The following PRKCH variants were observed in gnomAD, a reference collection of about 807,000 sequenced individuals.
PRKCH encodes the protein protein kinase C eta type.
PRKCH carries 28 observed loss-of-function variants against 82.5 expected under a neutral mutation model. The observed-to-expected ratio is 0.34, with a 90% CI of 0.25 to 0.47. PRKCH has a LOEUF of 0.47. Ranked by LOEUF, PRKCH falls within the 20% of genes least tolerant of loss-of-function variation. The pLI is 1.00. For synonymous variants in PRKCH, 322 were observed against 327.4 expected (o/e 0.98, Z 0.18); for missense variants, 705 against 881.8 (o/e 0.80, Z 2.54).
intron 10 of PRKCH, among the ~76,000 whole-genome samples, chr14:61,514,517 G>C (rs2042793774): frequency 6.6e-6 from 1 of 151,988 alleles, no homozygotes; most frequent in South Asian, 2.1e-4. Context: ...CAAGACAGGG[G>C]ACCTCTGCAG....
intron 10 of PRKCH, among the ~76,000 whole-genome samples, chr14:61,490,453 G>A (rs1403881388): frequency 6.6e-5 from 10 of 152,164 alleles, no homozygotes; most frequent in Admixed American, 2.6e-4. Context: ...TGAATATACC[G>A]ATCACCAACA....
At chr14:61,254,722 A>G (rs2044982081) in intron 1 of PRKCH, among the ~76,000 whole-genome samples, 1 of 152,236 alleles carries the variant, frequency 6.6e-6, no homozygotes, top group African/African-American at 2.4e-5. Context: ...CAAGCCTTTA[A>G]TTTTGGGCAA....
chr14:61,502,941 G>A (rs899901112), intron 10 of PRKCH, among the ~76,000 whole-genome samples: 1 of 150,914 alleles, frequency 6.6e-6, no homozygotes, highest in African/African-American at 2.4e-5. Context: ...TGGGGGATGT[G>A]TGGCTCTTGG....
At chr14:61,222,776 G>A (rs2044664956) in intron 1 of PRKCH, among the ~76,000 whole-genome samples, 1 of 152,206 alleles carries the variant, frequency 6.6e-6, no homozygotes, top group Non-Finnish European at 1.5e-5. Flanking sequence ...TGGACAAAAA[G>A]CTTTCAGTTT....
intron 9 of PRKCH, among the ~76,000 whole-genome samples, chr14:61,463,650 A>G (rs1455532205): frequency 6.6e-6 from 1 of 152,242 alleles, no homozygotes; most frequent in Non-Finnish European, 1.5e-5. Context: ...CTACAAAAAT[A>G]ATATAAAGAA....
intron 9 of PRKCH, among the ~76,000 whole-genome samples, chr14:61,466,603 T>C (rs752307282): frequency 1.3e-5 from 2 of 152,062 alleles, no homozygotes; most frequent in East Asian, 1.9e-4. Flanking sequence ...GAAGCAAAGG[T>C]TTCCATTTGG....
intron 9 of PRKCH, among the ~76,000 whole-genome samples, chr14:61,485,196 A>G (rs1035478715): frequency 6.6e-6 from 1 of 152,174 alleles, no homozygotes; most frequent in East Asian, 1.9e-4. Context: ...CTCCAGGTAC[A>G]TGACCTTTAA....
intron 1 of PRKCH, among the ~76,000 whole-genome samples, chr14:61,247,735 CAAAAAA>C (rs202153655): frequency 0.015 from 803 of 52,714 alleles, 4 homozygotes; most frequent in Admixed American, 0.031. Context: ...GACTCCATCT[CAAAAAA>C]AAAAAAAAAA....
intron 2 of PRKCH, among the ~76,000 whole-genome samples, chr14:61,418,882 T>C (rs891331899): frequency 6.6e-6 from 1 of 152,188 alleles, no homozygotes; most frequent in African/African-American, 2.4e-5. Context: ...AAAGAAGCAA[T>C]ATATTTAACT....
chr14:61,323,530 A>G (rs1236232296), intron 1 of PRKCH, among the ~76,000 whole-genome samples: 1 of 152,232 alleles, frequency 6.6e-6, no homozygotes, highest in African/African-American at 2.4e-5. Flanking sequence ...AAAATGTTTG[A>G]AATTTACAAG....
intron 1 of PRKCH, among the ~76,000 whole-genome samples, chr14:61,207,863 T>C (rs1381715473): frequency 6.6e-6 from 1 of 152,202 alleles, no homozygotes; most frequent in Non-Finnish European, 1.5e-5. Flanking sequence ...CATGCTCTTC[T>C]CACTCATGTT....
Position 61,549,870 on chromosome 14 carries a change from G to T in PRKCH, c.*39G>T. ...GAGAGAGAGGGCACGAGAACCCAAA[G>T]GGAATAGAGATTCTCCAGGAATTTC... On this transcript the variant is annotated 3_prime_UTR_variant, in exon 14 of 14. Transcript: ENST00000332981. 1 of 1,597,242 alleles carries T rather than the reference G, an allele frequency of 6.3e-7. No individual in the cohort carries two copies.
chr14:61,282,733 G>A (rs2045282773), intron 1 of PRKCH, among the ~76,000 whole-genome samples: 1 of 152,076 alleles, frequency 6.6e-6, no homozygotes, highest in African/African-American at 2.4e-5. Context: ...ATTTAATAAT[G>A]GAACATTGAT....
intron 1 of PRKCH, among the ~76,000 whole-genome samples, chr14:61,315,178 C>T (rs1396756265): frequency 6.6e-6 from 1 of 152,126 alleles, no homozygotes; most frequent in Admixed American, 6.6e-5. Flanking sequence ...TATAGACAGG[C>T]ACTTCTAGGA....
At chr14:61,264,280 G>A (rs2045076641) in intron 1 of PRKCH, among the ~76,000 whole-genome samples, 1 of 152,126 alleles carries the variant, frequency 6.6e-6, no homozygotes. Context: ...AGTAGTTTAA[G>A]TTTACAGGGT....
At chr14:61,259,566 G>A (rs1378206880) in intron 1 of PRKCH, among the ~76,000 whole-genome samples, 4 of 152,192 alleles carry the variant, frequency 2.6e-5, no homozygotes, top group Non-Finnish European at 1.5e-5. Flanking sequence ...GTCTGCTGAG[G>A]TAGGACCTAG....
chr14:61,505,395 C>CTTTTTCTTTTTTTTTT (rs1887099057), intron 10 of PRKCH, among the ~76,000 whole-genome samples: 16 of 55,766 alleles, frequency 2.9e-4, no homozygotes, highest in African/African-American at 6.5e-4. Flanking sequence ...CTTTTCTTTT[C>CTTTTTCTTTTTTTTTT]TTTTTTTTTT....
intron 2 of PRKCH, among the ~76,000 whole-genome samples, chr14:61,430,948 GT>G (rs1883359740): frequency 6.6e-6 from 1 of 152,160 alleles, no homozygotes; most frequent in Non-Finnish European, 1.5e-5. Flanking sequence ...TAGAGATGGG[GT>G]TTCGCCATGT....
At chr14:61,332,277 G>C (rs1332782027) in intron 1 of PRKCH, among the ~76,000 whole-genome samples, 1 of 152,218 alleles carries the variant, frequency 6.6e-6, no homozygotes, top group African/African-American at 2.4e-5. Flanking sequence ...TTTAAGTGCT[G>C]TGTTAAAGAA....
Sources: gnomAD v4.1 joint callset for allele counts (sites outside exome capture counted in the v4.1 genomes callset) on GRCh38, gnomAD v4.1.1 for gene constraint, MANE v1.5 for transcripts, NCBI Gene and HGNC (gene_info 2026-07-23, HGNC 2026-07-21) for gene names.